MTFMT: variants seen among roughly 807,000 people sequenced by gnomAD.
MTFMT encodes mitochondrial methionyl-tRNA formyltransferase.
In MTFMT, 47 loss-of-function variants were observed where a neutral mutation model predicts 51.8. The observed-to-expected ratio is 0.91, with a 90% CI of 0.72 to 1.16. MTFMT has a LOEUF of 1.16. Among genes scored for constraint, MTFMT ranks in the 50% most tolerant of loss-of-function variants. MTFMT has a pLI of 0.00. For missense variants in MTFMT, 512 were observed against 482.3 expected, an observed-to-expected ratio of 1.06 and a Z score of -0.58; for synonymous variants, 196 against 176.7, an observed-to-expected ratio of 1.11 and a Z score of -0.87.
At chr15:65,007,256 C>T (rs879362720) in intron 6 of MTFMT, among the ~76,000 whole-genome samples, 1 of 152,170 alleles carries the variant, frequency 6.6e-6, no homozygotes, top group Non-Finnish European at 1.5e-5. Context: ...AATGTGTCCA[C>T]GTGCCTAATT....
At chr15:65,006,903 G>T (rs1363951504) in intron 6 of MTFMT, among the ~76,000 whole-genome samples, 9 of 152,008 alleles carry the variant, frequency 5.9e-5, no homozygotes, top group Non-Finnish European at 1.3e-4. Context: ...TAAAAATCTA[G>T]AACACAGTGA....
intron 7 of MTFMT, among the ~76,000 whole-genome samples, chr15:65,005,190 G>C (rs961730491): frequency 6.6e-6 from 1 of 152,198 alleles, no homozygotes; most frequent in African/African-American, 2.4e-5. Context: ...CTAAAATGCT[G>C]AATCTACAAG....
chr15:65,003,360 C>CA, intron 8 of MTFMT, 104 bp from the exon 9 acceptor site: 1 of 829,932 alleles, frequency 1.2e-6, no homozygotes, highest in Non-Finnish European at 1.9e-6. Context: ...AACAAACCAA[C>CA]AAATCTTTAC....
intron 6 of MTFMT, among the ~76,000 whole-genome samples, chr15:65,008,576 T>C (rs2086237674): frequency 6.6e-6 from 1 of 152,248 alleles, no homozygotes; most frequent in South Asian, 2.1e-4. Flanking sequence ...GCTTCTGTTT[T>C]CTGATTCTCA....
chr15:65,013,335 C>T (rs1436409873), intron 6 of MTFMT, among the ~76,000 whole-genome samples: 8 of 150,240 alleles, frequency 5.3e-5, no homozygotes, highest in African/African-American at 9.8e-5. Flanking sequence ...AGGCTGGTCT[C>T]GAACTCCTGG....
At chr15:65,007,662 T>G (rs948083869) in intron 6 of MTFMT, among the ~76,000 whole-genome samples, 5 of 150,838 alleles carry the variant, frequency 3.3e-5, no homozygotes. Flanking sequence ...GAAAAAAATA[T>G]GATAATCTCT....
chr15:65,029,295 C>G, intron 1 of MTFMT, 110 bp downstream of exon 1: 2 of 1,327,378 alleles, frequency 1.5e-6, no homozygotes, highest in Non-Finnish European at 1.9e-6. Context: ...CCACACCGCT[C>G]TGCCGCCCAT....
chr15:65,014,524 C>G (rs1236637971), intron 6 of MTFMT, among the ~76,000 whole-genome samples: 1 of 151,880 alleles, frequency 6.6e-6, no homozygotes, highest in East Asian at 1.9e-4. Context: ...CGGGGTTTCT[C>G]CATGTTGGTC....
In MTFMT at chr15:65,004,879, G is replaced by T; in HGVS notation, c.950C>A (p.Ser317Ter). 1 of 1,608,162 alleles carries T rather than the reference G, an allele frequency of 6.2e-7. No individual in the cohort carries two copies. Among genetic ancestry groups the T allele is most frequent in the South Asian group, 1.1e-5 (1 of 89,858 alleles). Residue 317 changes from serine to a stop codon, truncating the protein, a stop_gained, in exon 8 of 9, where the codon TCA (serine) becomes TAA (stop). Transcript: ENST00000220058. LOFTEE classifies it high-confidence loss of function. ...IPGSVIYHKQSQILLVYCKDG... is the reference protein window; with the variant it reads ...IPGSVIYHKQ ...CTTGCAATAAACCAATAGTATTTGT[G>T]ACTGTTTGTGGTATATTACTGATCC...
chr15:65,029,520 G>C lies in MTFMT; in HGVS notation c.94C>G (p.Leu32Val). The change falls in exon 1 of 9, where the codon CTC becomes GTC. Residue 32 changes from leucine to valine, a missense_variant. Physicochemically the swap from Leu to Val is conservative, Grantham distance 32. Coordinates refer to ENST00000220058, the MANE Select transcript of MTFMT (RefSeq NM_139242.4). ...GAGTCCCGGCAGTCCTCCCAGCCGA[G>C]TCGGGCCAGTGCTCGCCACTGGGGA... ...PSPQWRALAR[L>V]GWEDCRDSRV... The C allele has an allele frequency of 1.3e-6, 2 of 1,529,720 alleles. No homozygotes were observed. The highest frequency in any genetic ancestry group is 1.2e-5 in the South Asian group (1 of 81,802). 94.8% of individuals were successfully genotyped at this position (1,529,720 alleles called of 1,614,324 possible).
rs1595886733 is a variant in MTFMT, at chr15:65,002,319, T to G, written c.*743A>C. The G allele has an allele frequency of 6.6e-6, 1 of 151,282 alleles. No homozygotes were observed. Among genetic ancestry groups the G allele is most frequent in the African/African-American group, 2.4e-5 (1 of 41,160 alleles). 9.4% of individuals were successfully genotyped at this position (151,282 alleles called of 1,614,324 possible). On this transcript the variant is annotated 3_prime_UTR_variant, in exon 9 of 9. Coordinates refer to ENST00000220058, the MANE Select transcript of MTFMT (RefSeq NM_139242.4). ...TTGGGAGGCTGAGGCAGGAGAATGG[T>G]GTGAACCCGGGAGGTGGAGCTTGCA...
At chr15:65,006,077 A>C in intron 7 of MTFMT, 36 bp downstream of exon 7, 2 of 1,480,382 alleles carry the variant, frequency 1.4e-6, no homozygotes, top group Non-Finnish European at 1.9e-6. Flanking sequence ...ACTACAGTGA[A>C]AACAGCTTCC....
chr15:65,014,865 C>T (rs970618542), intron 6 of MTFMT, among the ~76,000 whole-genome samples: 16 of 151,596 alleles, frequency 1.1e-4, no homozygotes, highest in African/African-American at 2.9e-4. Context: ...CTCCTGACCT[C>T]AGGTGATGCA....
Position 65,020,191 on chromosome 15 carries a change from A to C in MTFMT, c.721+6T>G, listed in dbSNP as rs1595891419. On this transcript the variant is annotated splice_donor_region_variant and intron_variant, in intron 5 of 8. Transcript: ENST00000220058. ...AAAGATGAGAGTCTCTGCAGCCTTC[A>C]CTCACCGTAAGTCGCCCCCTCCATT... The C allele has an allele frequency of 1.2e-6, 2 of 1,610,096 alleles. No individual in the cohort carries two copies. The highest frequency in any genetic ancestry group is 1.7e-6 in the Non-Finnish European group (2 of 1,178,706).
intron 5 of MTFMT, among the ~76,000 whole-genome samples, chr15:65,018,971 C>T (rs2086347472): frequency 6.6e-6 from 1 of 152,146 alleles, no homozygotes; most frequent in East Asian, 1.9e-4. Context: ...CTTTCCAGAA[C>T]AATACCAGCT....
rs745563259 is a variant in MTFMT at position 65,003,031 on chromosome 15, T to C, written c.*31A>G. The C allele has an allele frequency of 1.5e-6, 2 of 1,291,028 alleles. No individual in the cohort carries two copies. Among genetic ancestry groups the C allele is most frequent in the Non-Finnish European group, 2.1e-6 (2 of 967,520 alleles). The allele number at this position is 1,291,028 out of a possible 1,614,324, so 80.0% of individuals were successfully genotyped here. A position where few individuals can be genotyped will look rare whatever the true frequency, so the allele number is the denominator to read the frequency against. On this transcript the variant is annotated 3_prime_UTR_variant, in exon 9 of 9. Transcript: ENST00000220058. ...TAAGGTTTTTAATAAATTACAAATA[T>C]GTAATAGGTTTTTATCCATCTTCTT...
intron 5 of MTFMT, among the ~76,000 whole-genome samples, chr15:65,018,579 A>G (rs2086343945): frequency 6.6e-6 from 1 of 152,118 alleles, no homozygotes; most frequent in Middle Eastern, 3.2e-3. Context: ...CTAATTATCA[A>G]CCCCACTAAA....
In MTFMT at chr15:65,002,460, T is replaced by C. The variant is rs2086183889; in HGVS notation, c.*602A>G. ...CTCAGTATGTATGTAGGTACATACA[T>C]ACACCAGTTAGGGTTGCCCTTGTTC... On this transcript the variant is annotated 3_prime_UTR_variant, in exon 9 of 9. Coordinates refer to ENST00000220058, the MANE Select transcript of MTFMT (RefSeq NM_139242.4). 6.6e-6 allele frequency: 1 copy of C among 152,136 alleles called. No individual in the cohort carries two copies. The highest frequency in any genetic ancestry group is 6.6e-5 in the Admixed American group (1 of 15,260). 9.4% of individuals were successfully genotyped at this position (152,136 alleles called of 1,614,324 possible). A position where few individuals can be genotyped will look rare whatever the true frequency, so the allele number is the denominator to read the frequency against.
chr15:65,006,259 AT>A, intron 6 of MTFMT, 68 bp from the exon 7 acceptor site: 1 of 1,249,150 alleles, frequency 8.0e-7, no homozygotes, highest in Non-Finnish European at 1.2e-6. Context: ...TTCAACTACT[AT>A]TTTGTGTTAA....
Sources: allele counts gnomAD v4.1 joint callset (sites outside exome capture counted in the v4.1 genomes callset), GRCh38; gene constraint gnomAD v4.1.1; transcripts MANE v1.5; gene names NCBI Gene and HGNC (gene_info 2026-07-23, HGNC 2026-07-21).